Variants in CACNA2D4 observed in about 807,000 individuals in gnomAD.
CACNA2D4 encodes voltage-dependent calcium channel subunit alpha-2/delta-4.
CACNA2D4 carries 157 observed loss-of-function variants against 163.8 expected under a neutral mutation model. The observed-to-expected ratio is 0.96, with a 90% confidence interval of 0.84 to 1.09. The LOEUF is 1.09. CACNA2D4 is among the 50% of genes least tolerant of loss of function. CACNA2D4 has a pLI of 0.00. For missense variants in CACNA2D4, 1,410 were observed against 1,479.9 expected (o/e 0.95, Z 0.78); for synonymous variants, 598 against 586.9 (o/e 1.02, Z -0.27).
Position 1,883,071 on chromosome 12 carries a change from C to A in CACNA2D4, c.1352-71G>T. ...GGGAACCCCTCGCCAGGGCCTGCACCCTCCCCAGCTGCAGATGGCTCATAG... is the reference window on the plus strand; with the variant it reads ...GGGAACCCCTCGCCAGGGCCTGCACACTCCCCAGCTGCAGATGGCTCATAG... On this transcript the variant is annotated intron_variant, in intron 12 of 37. Coordinates refer to ENST00000382722, the MANE Select transcript of CACNA2D4 (RefSeq NM_172364.5). This position sits in a 1 kb window ranked among gnomAD's most constrained non-coding sequence, Gnocchi z 4.5. The A allele has an allele frequency of 6.7e-7, 1 of 1,503,034 alleles. No individual in the cohort carries two copies. Among genetic ancestry groups the A allele is most frequent in the South Asian group, 1.3e-5 (1 of 79,894 alleles). The allele number at this position is 1,503,034 out of a possible 1,614,324, so 93.1% of individuals were successfully genotyped here.
chr12:1,813,948 TCTC>T (rs1166675526), intron 26 of CACNA2D4, among the ~76,000 whole-genome samples: 1 of 152,276 alleles, frequency 6.6e-6, no homozygotes, highest in African/African-American at 2.4e-5. Context: ...CTCGGTCTCT[TCTC>T]CTTCTTTTCC....
intron 2 of CACNA2D4, among the ~76,000 whole-genome samples, chr12:1,913,750 C>G (rs528373398): frequency 1.2e-4 from 18 of 152,336 alleles, no homozygotes; most frequent in African/African-American, 3.8e-4. Context: ...GGGAGACCAG[C>G]TCTCACTGAC....
rs980054217 is a variant in CACNA2D4, at chr12:1,820,018, A to T, written c.2552-8295T>A. On this transcript the variant is annotated intron_variant, in intron 26 of 37. Transcript: ENST00000382722. This position sits in a 1 kb window ranked among gnomAD's most constrained non-coding sequence, Gnocchi z 6.0. Reference sequence around the variant, plus strand: ...CTGTAGGGTCATCTGGCACATGGACATGCCTGTGTACCCTTCTTTCGTATG... The same window carrying T: ...CTGTAGGGTCATCTGGCACATGGACTTGCCTGTGTACCCTTCTTTCGTATG... Among the ~76,000 whole-genome samples, 1 of 152,158 alleles carries T rather than the reference A, an allele frequency of 6.6e-6. No homozygotes were observed. Among genetic ancestry groups the T allele is most frequent in the African/African-American group, 2.4e-5 (1 of 41,414 alleles).
chr12:1,840,739 C>T lies in CACNA2D4; in HGVS notation c.2551G>A (p.Ala851Thr). ...TVDKRTAIAA[A>T]AGVQMKLEFL... Reference sequence around the variant, plus strand: ...TCAACACCACAAGGGCCGTTCCTACCTGCAGCAATGGCTGTCCTCTTGTCC... The same window carrying T: ...TCAACACCACAAGGGCCGTTCCTACTTGCAGCAATGGCTGTCCTCTTGTCC... Residue 851 changes from alanine (A) to threonine (T), a missense_variant and splice_region_variant, in exon 26 of 38, where the codon GCC becomes ACC. Transcript: ENST00000382722. 1 of 1,613,428 alleles carries T rather than the reference C, an allele frequency of 6.2e-7. No individual in the cohort carries two copies. The highest frequency in any genetic ancestry group is 8.5e-7 in the Non-Finnish European group (1 of 1,179,468).
Position 1,828,013 on chromosome 12 carries a change from TA to T in CACNA2D4, c.2551+12725del. On this transcript the variant is annotated intron_variant, in intron 26 of 37. Transcript: ENST00000382722. The surrounding 1 kb of genome is among the most constrained non-coding windows in gnomAD (Gnocchi z 4.2). ...TAAAGAGACACCCGGGCCCTCTCCC[TA>T]ACCCCTGGGCTGGAACGGGGCTCCC... is the stretch of plus-strand genomic sequence containing the variant. 1 of 685,432 alleles carries T rather than the reference TA, an allele frequency of 1.5e-6. No homozygotes were observed. Among genetic ancestry groups the T allele is most frequent in the South Asian group, 2.5e-5 (1 of 40,190 alleles). The allele number at this position is 685,432 out of a possible 1,614,324, so 42.5% of individuals were successfully genotyped here.
chr12:1,797,091 C>G (rs558257745), intron 35 of CACNA2D4, among the ~76,000 whole-genome samples: 2 of 152,260 alleles, frequency 1.3e-5, no homozygotes, highest in Non-Finnish European at 2.9e-5. Context: ...GAAGGGCCCA[C>G]TCGCCCAGAG....
intron 1 of CACNA2D4, 31 bp downstream of exon 1, chr12:1,918,216 T>G (rs1592758241): frequency 1.3e-6 from 2 of 1,493,956 alleles, no homozygotes; most frequent in Non-Finnish European, 1.8e-6. Context: ...GGTGACCGGG[T>G]TTTTGGGGTG....
At chr12:1,863,897 CAAAAA>C (rs34899618) in intron 18 of CACNA2D4, among the ~76,000 whole-genome samples, 1 of 143,360 alleles carries the variant, frequency 7.0e-6, no homozygotes, top group African/African-American at 2.6e-5. Flanking sequence ...AATCACTTTA[CAAAAA>C]AAAAAAAATA....
chr12:1,850,009 T>C (rs966170394), intron 23 of CACNA2D4, among the ~76,000 whole-genome samples: 27 of 152,342 alleles, frequency 1.8e-4, no homozygotes, highest in African/African-American at 5.1e-4. Flanking sequence ...TCTTCTATTG[T>C]TATTAAAGGT....
chr12:1,887,105 G>T (rs752506475), intron 6 of CACNA2D4, 36 bp from the exon 7 acceptor site: 2 of 1,457,130 alleles, frequency 1.4e-6, no homozygotes, highest in Non-Finnish European at 1.9e-6. Flanking sequence ...TACTAGCTTG[G>T]TGAGGCCACC....
chr12:1,838,700 T>C (rs888767594), intron 26 of CACNA2D4, among the ~76,000 whole-genome samples: 3 of 152,030 alleles, frequency 2.0e-5, no homozygotes, highest in African/African-American at 4.8e-5. Context: ...TGCTATCAAA[T>C]AATTGGAGAG....
At chr12:1,866,618 CT>C (rs368298362) in intron 18 of CACNA2D4, among the ~76,000 whole-genome samples, 1 of 150,222 alleles carries the variant, frequency 6.7e-6, no homozygotes, top group Non-Finnish European at 1.5e-5. Flanking sequence ...CTGAAAATGT[CT>C]TTTTTTGTTG....
intron 1 of CACNA2D4, among the ~76,000 whole-genome samples, chr12:1,915,618 C>A (rs1335768104): frequency 6.6e-6 from 1 of 152,262 alleles, no homozygotes. Context: ...GCTGCCACTG[C>A]TGAGCCTGAG....
At chr12:1,826,400 G>GCCCCCCCCCCCCCCCCCCCCCCCCC (rs150016230) in intron 26 of CACNA2D4, among the ~76,000 whole-genome samples, 1 of 57,146 alleles carries the variant, frequency 1.7e-5, no homozygotes, top group African/African-American at 4.7e-5. Flanking sequence ...TGAACCCAGA[G>GCCCCCCCCCCCCCCCCCCCCCCCCC]CCCCCCCCCC....
intron 23 of CACNA2D4, among the ~76,000 whole-genome samples, chr12:1,848,255 T>G (rs1453044527): frequency 1.3e-5 from 2 of 152,212 alleles, no homozygotes; most frequent in Non-Finnish European, 2.9e-5. Flanking sequence ...TCTCCCCTTC[T>G]CTTTTCCTTG....
At chr12:1,837,977 G>A (rs1427215660) in intron 26 of CACNA2D4, among the ~76,000 whole-genome samples, 1 of 152,214 alleles carries the variant, frequency 6.6e-6, no homozygotes, top group Non-Finnish European at 1.5e-5. Flanking sequence ...CGGCAGGAAG[G>A]GCCTCTGTGC....
At chr12:1,903,190 C>A (rs768233874) in intron 6 of CACNA2D4, among the ~76,000 whole-genome samples, 1 of 152,032 alleles carries the variant, frequency 6.6e-6, no homozygotes, top group African/African-American at 2.4e-5. Context: ...AGACTCCTAT[C>A]GCTCACCATA....
At position 1,802,487 on chromosome 12, in the gene CACNA2D4, A is replaced by G. The variant is rs1158494536; in HGVS notation, c.2722-843T>C. On this transcript the variant is annotated intron_variant, in intron 29 of 37. Coordinates refer to ENST00000382722, the MANE Select transcript of CACNA2D4 (RefSeq NM_172364.5). The surrounding 1 kb of genome is among the most constrained non-coding windows in gnomAD (Gnocchi z 4.7). Reference sequence around the variant, plus strand: ...AGCAGCGGCCCCCTAGCTGGCTGAGAATGGCCTCAGGCCCTCCACTCTGCC... The same window carrying G: ...AGCAGCGGCCCCCTAGCTGGCTGAGGATGGCCTCAGGCCCTCCACTCTGCC... Among the ~76,000 whole-genome samples, 1 of 152,134 alleles carries G rather than the reference A, an allele frequency of 6.6e-6. No homozygotes were observed. The highest frequency in any genetic ancestry group is 1.5e-5 in the Non-Finnish European group (1 of 68,022).
At chr12:1,852,759 C>T (rs1020878308) in intron 23 of CACNA2D4, among the ~76,000 whole-genome samples, 3 of 152,192 alleles carry the variant, frequency 2.0e-5, no homozygotes, top group Non-Finnish European at 4.4e-5. Context: ...TTTGCTCCAG[C>T]CCTCTGTAGA....
Sources: gnomAD v4.1 joint callset for allele counts (sites outside exome capture counted in the v4.1 genomes callset) on GRCh38, gnomAD v4.1.1 for gene constraint, Gnocchi (gnomAD v3.1) non-coding constraint, MANE v1.5 for transcripts, NCBI Gene and HGNC (gene_info 2026-07-23, HGNC 2026-07-21) for gene names.